Variants in RIPOR2 observed in about 807,000 individuals in gnomAD.
RIPOR2 encodes rho family-interacting cell polarization regulator 2.
Under a neutral mutation model 114.5 loss-of-function variants are expected in RIPOR2, and 39 were observed. The ratio of observed to expected loss-of-function variants is 0.34; its 90% confidence interval spans 0.26 to 0.44. RIPOR2 has a LOEUF of 0.44. Ranked by LOEUF, RIPOR2 falls within the 20% of genes least tolerant of loss-of-function variation. RIPOR2 has a pLI of 1.00. For missense variants in RIPOR2, 1,007 were observed against 1,255.1 expected (o/e 0.80, Z 2.99); for synonymous variants, 445 against 484.4 (o/e 0.92, Z 1.07).
At chr6:25,020,436 A>C (rs1053844830) in intron 1 of RIPOR2, among the ~76,000 whole-genome samples, 1 of 152,216 alleles carries the variant, frequency 6.6e-6, no homozygotes, top group African/African-American at 2.4e-5. Flanking sequence ...TCCAAGAGTA[A>C]ATTTTCCCTG....
chr6:24,996,348 G>T (rs1430517671), intron 1 of RIPOR2, among the ~76,000 whole-genome samples: 1 of 152,178 alleles, frequency 6.6e-6, no homozygotes, highest in Non-Finnish European at 1.5e-5. Context: ...ATGACCCTGG[G>T]TTATTGCACA....
chr6:25,024,166 C>T (rs1776481094), intron 1 of RIPOR2: 4 of 1,255,522 alleles, frequency 3.2e-6, no homozygotes, highest in Non-Finnish European at 3.5e-6. Flanking sequence ...TCCTGCTGGG[C>T]GATTTCCACT....
At position 24,861,022 on chromosome 6, in the gene RIPOR2, A is replaced by T; in HGVS notation, c.666T>A (p.Ile222=). 1 of 1,609,960 alleles carries T rather than the reference A, an allele frequency of 6.2e-7. No homozygotes were observed. Among genetic ancestry groups the T allele is most frequent in the Non-Finnish European group, 8.5e-7 (1 of 1,176,992 alleles). The change falls in exon 8 of 22, where the codon ATT becomes ATA. Residue 222 remains isoleucine (I), a synonymous_variant. Transcript: ENST00000643898. The part of the protein sequence containing the change: ...FKEYTENMCT[I]EVELENLLGE... ...CCAGCAGATTCTCTAGCTCCACTTC[A>T]ATGGTGCACATATTCTGCAAAGAGG...
chr6:24,901,475 A>T (rs1210966221), intron 1 of RIPOR2, among the ~76,000 whole-genome samples: 1 of 152,186 alleles, frequency 6.6e-6, no homozygotes, highest in African/African-American at 2.4e-5. Context: ...AAGAAACACC[A>T]CGTGCCATTT....
intron 1 of RIPOR2, among the ~76,000 whole-genome samples, chr6:25,028,355 A>G (rs1776728058): frequency 6.6e-6 from 1 of 152,138 alleles, no homozygotes. Flanking sequence ...GAACCATAAA[A>G]TTAGGAGTTG....
chr6:24,941,915 A>G (rs1310558044), intron 1 of RIPOR2, among the ~76,000 whole-genome samples: 1 of 152,212 alleles, frequency 6.6e-6, no homozygotes, highest in Non-Finnish European at 1.5e-5. Flanking sequence ...ACAGGAAAAT[A>G]AACTTTAAGA....
At chr6:24,836,446 C>T (rs532581988) in intron 14 of RIPOR2, among the ~76,000 whole-genome samples, 66 of 152,178 alleles carry the variant, frequency 4.3e-4, no homozygotes, top group Middle Eastern at 3.4e-3. Flanking sequence ...TTGTTTAAAC[C>T]CCCTTGTTGA....
intron 1 of RIPOR2, among the ~76,000 whole-genome samples, chr6:24,950,758 C>G (rs1772707758): frequency 6.7e-6 from 1 of 149,494 alleles, no homozygotes; most frequent in East Asian, 1.9e-4. Flanking sequence ...AAAATATATT[C>G]ATTTAAACAA....
At chr6:25,031,750 T>TATATATAA (rs1776985576) in intron 1 of RIPOR2, among the ~76,000 whole-genome samples, 1 of 62,190 alleles carries the variant, frequency 1.6e-5, no homozygotes, top group Non-Finnish European at 3.6e-5. Context: ...TATATATATA[T>TATATATAA]AAAATATCCA....
At chr6:25,000,159 T>C (rs944459956) in intron 1 of RIPOR2, among the ~76,000 whole-genome samples, 5 of 152,230 alleles carry the variant, frequency 3.3e-5, no homozygotes, top group Non-Finnish European at 7.3e-5. Flanking sequence ...AGGTTCTTAC[T>C]GGTGTCTTTT....
At chr6:25,023,008 T>TA (rs1554132398) in intron 1 of RIPOR2, among the ~76,000 whole-genome samples, 1 of 151,886 alleles carries the variant, frequency 6.6e-6, no homozygotes, top group Non-Finnish European at 1.5e-5. Context: ...TTTTTTTTTT[T>TA]ACTAGTGTAT....
intron 1 of RIPOR2, among the ~76,000 whole-genome samples, chr6:24,994,725 C>T (rs189285756): frequency 2.2e-4 from 34 of 152,012 alleles, no homozygotes; most frequent in African/African-American, 8.0e-4. Context: ...TCCCTGGCTC[C>T]CTGGGCCAGT....
intron 1 of RIPOR2, among the ~76,000 whole-genome samples, chr6:24,918,308 C>T (rs1770238856): frequency 6.6e-6 from 1 of 152,176 alleles, no homozygotes; most frequent in African/African-American, 2.4e-5. Context: ...AATCATTAAT[C>T]ATTACCTATT....
At chr6:24,971,072 G>T (rs1773769884) in intron 1 of RIPOR2, among the ~76,000 whole-genome samples, 1 of 152,166 alleles carries the variant, frequency 6.6e-6, no homozygotes, top group African/African-American at 2.4e-5. Context: ...TGTGGCAGTT[G>T]AACAAGGTAT....
intron 1 of RIPOR2, among the ~76,000 whole-genome samples, chr6:24,887,461 A>G (rs1766937777): frequency 6.6e-6 from 1 of 152,264 alleles, no homozygotes; most frequent in East Asian, 1.9e-4. Flanking sequence ...CATATGTAAA[A>G]GACTTCATGT....
intron 1 of RIPOR2, among the ~76,000 whole-genome samples, chr6:24,888,685 C>T (rs1767056257): frequency 6.6e-6 from 1 of 152,154 alleles, no homozygotes; most frequent in African/African-American, 2.4e-5. Context: ...AATAAAGCTA[C>T]ATGCTGTATT....
chr6:24,984,581 C>T (rs1196244761), intron 1 of RIPOR2, among the ~76,000 whole-genome samples: 1 of 151,432 alleles, frequency 6.6e-6, no homozygotes, highest in Non-Finnish European at 1.5e-5. Flanking sequence ...GCCAGTAGTC[C>T]TAGCTACTTG....
At chr6:25,023,300 C>T (rs1218199600) in intron 1 of RIPOR2, 4 of 777,224 alleles carry the variant, frequency 5.1e-6, no homozygotes, top group Admixed American at 1.7e-5. Flanking sequence ...TTCCTTCAGC[C>T]TGAGGGAATT....
Position 24,865,455 on chromosome 6 carries a change from C to A in RIPOR2, c.502-5G>T. 1 of 1,596,880 alleles carries A rather than the reference C, an allele frequency of 6.3e-7. No homozygotes were observed. Among genetic ancestry groups the A allele is most frequent in the South Asian group, 1.1e-5 (1 of 88,646 alleles). On this transcript the variant is annotated splice_polypyrimidine_tract_variant and splice_region_variant and intron_variant, in intron 6 of 21. Coordinates refer to ENST00000643898, the MANE Select transcript of RIPOR2 (RefSeq NM_001286445.3). ...AGCTTCATAGAGTTCATCTACCTGC[C>A]AGAATCAAAACAGGAAACAGAAATA...
Sources: gnomAD v4.1 joint callset for allele counts (sites outside exome capture counted in the v4.1 genomes callset) on GRCh38, gnomAD v4.1.1 for gene constraint, MANE v1.5 for transcripts, NCBI Gene and HGNC (gene_info 2026-07-23, HGNC 2026-07-21) for gene names.